JARID2: variants seen among roughly 807,000 people sequenced by gnomAD.
JARID2 encodes jumonji and AT-rich interaction domain containing 2, also known as protein Jumonji.
JARID2 carries 21 observed loss-of-function variants against 125.6 expected under a neutral mutation model. The ratio of observed to expected loss-of-function variants is 0.17; its 90% CI spans 0.12 to 0.24. The LOEUF (loss-of-function observed/expected upper bound fraction) is 0.24, where lower values mean the gene tolerates loss of function less well. JARID2 is among the 10% of genes least tolerant of loss of function. The pLI is 1.00. For synonymous variants in JARID2, 736 were observed against 661.6 expected (o/e 1.11, Z -1.73); for missense variants, 1,303 against 1,639.6 (o/e 0.79, Z 3.55).
intron 1 of JARID2, among the ~76,000 whole-genome samples, chr6:15,256,244 T>C (rs1759661008): frequency 6.6e-6 from 1 of 152,294 alleles, no homozygotes; most frequent in Non-Finnish European, 1.5e-5. Flanking sequence ...TGATTCTTAA[T>C]AAAGCAAGCT....
intron 1 of JARID2, among the ~76,000 whole-genome samples, chr6:15,293,107 G>A (rs1381839499): frequency 6.6e-6 from 1 of 152,188 alleles, no homozygotes; most frequent in African/African-American, 2.4e-5. Context: ...TCTCTTCTCT[G>A]TGTGAGTAAA....
chr6:15,349,603 C>T (rs535391721), intron 1 of JARID2, among the ~76,000 whole-genome samples: 4 of 152,186 alleles, frequency 2.6e-5, no homozygotes, highest in East Asian at 3.9e-4. Flanking sequence ...TGACTCATCA[C>T]GCGTGAGGAG....
In JARID2 at chr6:15,496,282, A is replaced by C; in HGVS notation, c.1057A>C (p.Lys353Gln). The change falls in exon 7 of 18, where the codon AAG becomes CAG. Residue 353 changes from lysine to glutamine, a missense_variant. Around this residue, in one of 11 missense-constraint regions of JARID2, gnomAD observed 651 missense variants for 581.6 expected, o/e 1.12. Transcript: ENST00000341776. ...GGGGGCTGTCACATACACCAAAGCC[A>C]AGAGAGAACTGGTCAAGGACACCAA... is the stretch of plus-strand genomic sequence containing the variant. Reference protein sequence around the residue: ...TKGAVTYTKAKRELVKDTKPN... With the variant: ...TKGAVTYTKAQRELVKDTKPN... The C allele has an allele frequency of 6.2e-7, 1 of 1,614,220 alleles. No individual in the cohort carries two copies. Among genetic ancestry groups the C allele is most frequent in the Non-Finnish European group, 8.5e-7 (1 of 1,180,038 alleles).
At chr6:15,458,443 C>CA (rs1768292679) in intron 4 of JARID2, among the ~76,000 whole-genome samples, 1 of 152,208 alleles carries the variant, frequency 6.6e-6, no homozygotes, top group Non-Finnish European at 1.5e-5. Flanking sequence ...AATATCCTTA[C>CA]TGTCAGCCGT....
At chr6:15,344,475 G>A (rs555791844) in intron 1 of JARID2, among the ~76,000 whole-genome samples, 1 of 151,064 alleles carries the variant, frequency 6.6e-6, no homozygotes, top group Admixed American at 6.6e-5. Context: ...AAAAACCAAC[G>A]CAGCTGTATT....
intron 2 of JARID2, among the ~76,000 whole-genome samples, chr6:15,399,401 G>T (rs1339215968): frequency 6.6e-6 from 1 of 152,140 alleles, no homozygotes; most frequent in Non-Finnish European, 1.5e-5. Flanking sequence ...TTGTAGTAGA[G>T]TATCTCTGAG....
chr6:15,485,605 A>G (rs1769828452), intron 5 of JARID2, among the ~76,000 whole-genome samples: 1 of 152,208 alleles, frequency 6.6e-6, no homozygotes, highest in South Asian at 2.1e-4. Flanking sequence ...TACATGTATT[A>G]AAACATGTCA....
At chr6:15,511,689 A>C (rs1297495184) in intron 13 of JARID2, among the ~76,000 whole-genome samples, 1 of 152,182 alleles carries the variant, frequency 6.6e-6, no homozygotes, top group Non-Finnish European at 1.5e-5. Flanking sequence ...CCTTCTGGGC[A>C]TGTGAGAGGA....
rs897110527 is a variant in JARID2 at position 15,248,838 on chromosome 6, G to T, written c.45+2254G>T. On this transcript the variant is annotated intron_variant, in intron 1 of 17. Transcript: ENST00000341776. ...GAGGCTCCAGGCGCGGCGGGGCGGCGGGGGGAGGAGGGAGCTGGGCGGGGG... is the reference window on the plus strand; with the variant it reads ...GAGGCTCCAGGCGCGGCGGGGCGGCTGGGGGAGGAGGGAGCTGGGCGGGGG... The T allele has an allele frequency of 1.0e-5, 9 of 892,286 alleles. No homozygotes were observed. In the African/African-American group the frequency reaches 1.1e-4, roughly 11 times the overall value. 55.3% of individuals were successfully genotyped at this position (892,286 alleles called of 1,614,324 possible).
intron 1 of JARID2, among the ~76,000 whole-genome samples, chr6:15,328,765 G>A (rs533170203): frequency 6.6e-6 from 1 of 152,288 alleles, no homozygotes; most frequent in South Asian, 2.1e-4. Flanking sequence ...TCAAATTCAC[G>A]ATGACTTCAT....
intron 1 of JARID2, among the ~76,000 whole-genome samples, chr6:15,355,855 C>G (rs1334772048): frequency 2.0e-5 from 3 of 152,214 alleles, no homozygotes; most frequent in Non-Finnish European, 4.4e-5. Flanking sequence ...ATGTGATCTG[C>G]CCACCTTGAC....
intron 4 of JARID2, among the ~76,000 whole-genome samples, chr6:15,460,809 A>G (rs551476558): frequency 1.2e-4 from 18 of 152,268 alleles, no homozygotes; most frequent in African/African-American, 4.1e-4. Flanking sequence ...TGTTCAAGGT[A>G]TTCTCCTGTC....
At chr6:15,294,284 C>T (rs1367280549) in intron 1 of JARID2, among the ~76,000 whole-genome samples, 2 of 152,172 alleles carry the variant, frequency 1.3e-5, no homozygotes, top group Non-Finnish European at 2.9e-5. Context: ...CCTCCACCTC[C>T]CGGGTTCAAG....
intron 1 of JARID2, among the ~76,000 whole-genome samples, chr6:15,363,055 G>C (rs902002355): frequency 6.6e-6 from 1 of 152,096 alleles, no homozygotes; most frequent in Non-Finnish European, 1.5e-5. Context: ...GGAGATAAGG[G>C]GACGGCAGAA....
At chr6:15,416,681 A>AGAGAGG (rs1358901523) in intron 3 of JARID2, among the ~76,000 whole-genome samples, 6 of 128,770 alleles carry the variant, frequency 4.7e-5, no homozygotes, top group Non-Finnish European at 7.7e-5. Context: ...GACCGTGGAA[A>AGAGAGG]GAGAGGGAGA....
intron 1 of JARID2, among the ~76,000 whole-genome samples, chr6:15,290,506 ACATCCTT>A (rs1761164894): frequency 6.6e-6 from 1 of 152,174 alleles, no homozygotes; most frequent in Non-Finnish European, 1.5e-5. Context: ...CAGTTGTTCC[ACATCCTT>A]GACAGCTTGG....
chr6:15,358,067 G>A (rs114356327), intron 1 of JARID2, among the ~76,000 whole-genome samples: 84 of 152,224 alleles, frequency 5.5e-4, no homozygotes, highest in Admixed American at 3.3e-3. Context: ...GGCCTCTGGG[G>A]CGTGTCTGCT....
rs1431515093 is a variant in JARID2, at chr6:15,497,085, C to T, written c.1860C>T (p.Arg620=). The T allele has an allele frequency of 1.3e-6, 2 of 1,593,666 alleles. No individual in the cohort carries two copies. Among genetic ancestry groups the T allele is most frequent in the Non-Finnish European group, 1.7e-6 (2 of 1,170,340 alleles). The change falls in exon 7 of 18, where the codon CGC becomes CGT. Residue 620 remains arginine (R), a synonymous_variant. Coordinates refer to ENST00000341776, the MANE Select transcript of JARID2 (RefSeq NM_004973.4). ...AGCACATCCACAAGCTGGGCCGGCG[C>T]TGGGGCCCCAACGTGCAGCGGCTGG... The part of the protein sequence containing the change: ...QIQHIHKLGR[R]WGPNVQRLAC...
rs1463418380 is a variant in JARID2, at chr6:15,374,236, C to A, written c.165C>A (p.Ser55Arg). 6.2e-7 allele frequency: 1 copy of A among 1,613,708 alleles called. No individual in the cohort carries two copies. Among genetic ancestry groups the A allele is most frequent in the East Asian group, 2.2e-5 (1 of 44,862 alleles). ...KRQHAEGIAG[S>R]LKTVNGLLGN... ...AGCATGCGGAAGGCATTGCTGGGAGCCTGAAAACTGTGAATGGTGAGTTGA... is the reference window on the plus strand; with the variant it reads ...AGCATGCGGAAGGCATTGCTGGGAGACTGAAAACTGTGAATGGTGAGTTGA... The change falls in exon 2 of 18, where the codon AGC becomes AGA. Residue 55 changes from serine (S) to arginine (R), a missense_variant. Physicochemically the swap from Ser to Arg is moderately radical, Grantham distance 110 (BLOSUM62 -1). Around this residue, in one of 11 missense-constraint regions of JARID2, gnomAD observed 93 missense variants for 120.4 expected, o/e 0.77. Transcript: ENST00000341776.
Sources: allele counts gnomAD v4.1 joint callset (sites outside exome capture counted in the v4.1 genomes callset), GRCh38; gene constraint gnomAD v4.1.1; regional missense constraint gnomAD v4.1.1; transcripts MANE v1.5; gene names NCBI Gene and HGNC (gene_info 2026-07-23, HGNC 2026-07-21).